The following RNF128 variants were observed in gnomAD, a reference collection of about 807,000 sequenced individuals.
The protein encoded by RNF128 is E3 ubiquitin-protein ligase RNF128.
A neutral mutation model predicts 26.2 loss-of-function variants in RNF128; 13 were observed. The observed-to-expected ratio is 0.50, with a 90% CI of 0.32 to 0.79. The LOEUF is 0.79. RNF128 is among the 30% of genes least tolerant of loss of function. The pLI, the probability that RNF128 is intolerant of heterozygous loss-of-function variation, is 0.03. For synonymous variants in RNF128, 149 were observed against 142.5 expected, an observed-to-expected ratio of 1.05 and a Z score of -0.32; for missense variants, 315 against 349.7, an observed-to-expected ratio of 0.90 and a Z score of 0.79.
At chrX:106,768,604 C>T (rs1317093814) in intron 1 of RNF128, among the ~76,000 whole-genome samples, 1 of 111,618 alleles carries the variant, frequency 9.0e-6, no homozygotes, top group African/African-American at 3.3e-5. Flanking sequence ...ATTCTTCTCT[C>T]TTTTCTTCTT....
chrX:106,704,431 C>CA (rs1309346707), intron 1 of RNF128, among the ~76,000 whole-genome samples: 10 of 26,593 alleles, frequency 3.8e-4, no homozygotes, highest in African/African-American at 1.5e-3. Flanking sequence ...GACTCTGTCT[C>CA]AGAAAAAAAA....
In RNF128 at chrX:106,772,902, T is replaced by A; in HGVS notation, c.485-11T>A. On this transcript the variant is annotated splice_polypyrimidine_tract_variant and intron_variant, in intron 1 of 6. Coordinates refer to ENST00000255499, the MANE Select transcript of RNF128 (RefSeq NM_194463.2). ...TCACCAAACTAAAACTGAATTTGTT[T>A]TATTTTACAGGTGCAGTAGACATTG... 8.4e-7 allele frequency: 1 copy of A among 1,192,538 alleles called. No homozygotes were observed.
chrX:106,788,087 C>T (rs898609130), intron 4 of RNF128, 87 bp downstream of exon 4: 3 of 454,307 alleles, frequency 6.6e-6, no homozygotes, highest in Non-Finnish European at 1.0e-5. Context: ...TGAATATTTC[C>T]AAATTAATGT....
chrX:106,723,351 G>A (rs1417003430), upstream of RNF128, among the ~76,000 whole-genome samples: 1 of 111,237 alleles, frequency 9.0e-6, no homozygotes, highest in Non-Finnish European at 1.9e-5. Flanking sequence ...GGCAGATCAT[G>A]AGGTCAGGAG....
chrX:106,788,404 A>AATATATT (rs1930715586), intron 4 of RNF128, among the ~76,000 whole-genome samples: 1 of 42,192 alleles, frequency 2.4e-5, no homozygotes, highest in African/African-American at 1.0e-4. Flanking sequence ...TATTATATAT[A>AATATATT]ATATATAATA....
At chrX:106,766,833 A>G (rs368464682) in intron 1 of RNF128, among the ~76,000 whole-genome samples, 7 of 111,216 alleles carry the variant, frequency 6.3e-5, no homozygotes, top group Non-Finnish European at 1.3e-4. Flanking sequence ...TTCTTCTAGG[A>G]TTTTTATGGT....
chrX:106,743,985 C>T (rs1299926695), intron 1 of RNF128, among the ~76,000 whole-genome samples: 1 of 110,542 alleles, frequency 9.0e-6, no homozygotes, highest in Non-Finnish European at 1.9e-5. Context: ...CCATCATTCT[C>T]AGCAAACTAT....
intron 1 of RNF128, among the ~76,000 whole-genome samples, chrX:106,733,007 G>A (rs1230625603): frequency 9.0e-6 from 1 of 110,965 alleles, no homozygotes; most frequent in Non-Finnish European, 1.9e-5. Flanking sequence ...CAATATTTGG[G>A]GGAAAAGAAG....
intron 1 of RNF128, among the ~76,000 whole-genome samples, chrX:106,702,542 A>G (rs368382668): frequency 5.4e-5 from 6 of 111,475 alleles, no homozygotes; most frequent in African/African-American, 2.0e-4. Context: ...CTCAGTTCAT[A>G]AGTGCTCTTA....
At chrX:106,696,388 G>T (rs1928873844) in intron 1 of RNF128, among the ~76,000 whole-genome samples, 1 of 111,109 alleles carries the variant, frequency 9.0e-6, no homozygotes, top group Non-Finnish European at 1.9e-5. Flanking sequence ...AAACTATTCA[G>T]TGATGCAGCT....
intron 1 of RNF128, among the ~76,000 whole-genome samples, chrX:106,700,200 T>G (rs1603077043): frequency 9.1e-6 from 1 of 109,720 alleles, no homozygotes; most frequent in East Asian, 2.9e-4. Flanking sequence ...TTTATTTTAT[T>G]TTTTTAGAGA....
chrX:106,750,738 C>G lies in RNF128; in HGVS notation c.485-22175C>G, dbSNP rs764302414. Among the ~76,000 whole-genome samples the G allele has an allele frequency of 7.7e-4, 83 of 107,894 alleles. 1 individual carries two copies. The highest frequency in any genetic ancestry group is 2.7e-3 in the African/African-American group (80 of 29,813). 93.7% of individuals were successfully genotyped at this position (107,894 alleles called of 115,157 possible). On this transcript the variant is annotated intron_variant, in intron 1 of 6. Transcript: ENST00000255499. ...GGGATATTAGAAGCATGACATCACACAAAAAAAAAGAGAGAGAGGAGAGAT... is the reference window on the plus strand; with the variant it reads ...GGGATATTAGAAGCATGACATCACAGAAAAAAAAAGAGAGAGAGGAGAGAT...
chrX:106,766,246 A>T (rs768283040), intron 1 of RNF128, among the ~76,000 whole-genome samples: 1 of 111,754 alleles, frequency 8.9e-6, no homozygotes. Context: ...TGGGATGGCT[A>T]GATCAAATGG....
upstream of RNF128, chrX:106,726,556 T>C (rs1278504446): frequency 1.6e-6 from 1 of 636,438 alleles, no homozygotes; most frequent in Non-Finnish European, 1.9e-6. Flanking sequence ...CCACACAGCC[T>C]CAGATCCTAT....
intron 1 of RNF128, among the ~76,000 whole-genome samples, chrX:106,697,893 T>C (rs28631805): frequency 0.028 from 3,054 of 108,616 alleles, 111 homozygotes; most frequent in African/African-American, 0.094. Context: ...ATATTCTGCA[T>C]TGGTGAGTAT....
intron 4 of RNF128, among the ~76,000 whole-genome samples, chrX:106,789,070 G>GTATATATACTATATAGTATATAGTA (rs1379439378): frequency 8.5e-5 from 7 of 82,455 alleles, no homozygotes; most frequent in South Asian, 5.1e-4. Context: ...ATACAATAGT[G>GTATATATACTATATAGTATATAGTA]TATATATACT....
At chrX:106,773,200 A>G in intron 2 of RNF128, 40 bp downstream of exon 2, 3 of 1,160,003 alleles carry the variant, frequency 2.6e-6, no homozygotes, top group Non-Finnish European at 3.5e-6. Flanking sequence ...AAAAAAATTT[A>G]CTGTTCTAAT....
chrX:106,749,840 G>T (rs1899649028), intron 1 of RNF128, among the ~76,000 whole-genome samples: 1 of 109,756 alleles, frequency 9.1e-6, no homozygotes, highest in African/African-American at 3.3e-5. Context: ...GGGAGGTGGA[G>T]ACTGCAGTGA....
chrX:106,769,247 A>G (rs1218821711), intron 1 of RNF128, among the ~76,000 whole-genome samples: 1 of 111,231 alleles, frequency 9.0e-6, no homozygotes, highest in Non-Finnish European at 1.9e-5. Context: ...GTGCAGCGCT[A>G]AGTTCAGTTC....
Sources: gnomAD v4.1 joint callset for allele counts (sites outside exome capture counted in the v4.1 genomes callset) on GRCh38, gnomAD v4.1.1 for gene constraint, MANE v1.5 for transcripts, NCBI Gene and HGNC (gene_info 2026-07-23, HGNC 2026-07-21) for gene names.